The following CUL2 variants were observed in gnomAD, a reference collection of about 807,000 sequenced individuals.
CUL2 encodes the protein cullin 2.
A neutral mutation model predicts 110.2 loss-of-function variants in CUL2; 22 were observed. The observed-to-expected ratio is 0.20, with a 90% CI of 0.14 to 0.28. CUL2 has a LOEUF of 0.28. Among genes scored for constraint, CUL2 ranks in the 10% least tolerant of loss-of-function variants. The probability of loss-of-function intolerance (pLI) is 1.00; values close to 1 mark genes in which losing one functional copy is unlikely to be tolerated. For synonymous variants in CUL2, 279 were observed against 293.2 expected, an observed-to-expected ratio of 0.95 and a Z score of 0.49; for missense variants, 631 against 905.5, an observed-to-expected ratio of 0.70 and a Z score of 3.89.
intron 6 of CUL2, among the ~76,000 whole-genome samples, chr10:35,047,167 T>C (rs958461066): frequency 7.9e-5 from 12 of 152,156 alleles, no homozygotes; most frequent in African/African-American, 2.9e-4. Flanking sequence ...TAGAAAACAA[T>C]TTTAAATATC....
At chr10:35,044,440 T>C (rs1033238305) in intron 8 of CUL2, 126 bp downstream of exon 8, 50 of 594,614 alleles carry the variant, frequency 8.4e-5, no homozygotes, top group Non-Finnish European at 1.3e-4. Flanking sequence ...AGTTAATGAT[T>C]AAATAGATTA....
chr10:35,074,314 G>A, intron 1 of CUL2: 2 of 836,262 alleles, frequency 2.4e-6, no homozygotes, highest in Non-Finnish European at 3.9e-6. Context: ...TCTCCTCCTG[G>A]TACTCCCTAC....
At position 35,009,926 on chromosome 10, in the gene CUL2, ATTATTAGG is replaced by A. The variant is rs2084857337; in HGVS notation, c.*377_*384del. On this transcript the variant is annotated 3_prime_UTR_variant, in exon 21 of 21. Coordinates refer to ENST00000374749, the MANE Select transcript of CUL2 (RefSeq NM_003591.4). ...TGTTTGTCATTTTAATGTAGATACA[ATTATTAGG>A]TTATCTGTCATATTACAATATTTAA... 6.6e-6 allele frequency: 1 copy of A among 152,314 alleles called. No homozygotes were observed. 9.4% of individuals were successfully genotyped at this position (152,314 alleles called of 1,614,324 possible).
rs1300973396 is a variant in CUL2 at position 35,010,321 on chromosome 10, T to A, written c.2228A>T (p.Tyr743Phe). Residue 743 changes from tyrosine to phenylalanine, a missense_variant, in exon 21 of 21, where the codon TAC (tyrosine) becomes TTC (phenylalanine). Coordinates refer to ENST00000374749, the MANE Select transcript of CUL2 (RefSeq NM_003591.4). Reference protein sequence around the residue: ...RSQASADEYSYVA With the variant: ...RSQASADEYSFVA ...TGGAGGAGAGCGACATCACGCGACG[T>A]AGCTGTATTCATCTGCCGACGCCTG... 1.9e-6 allele frequency: 3 copies of A among 1,610,242 alleles called. No individual in the cohort carries two copies. The highest frequency in any genetic ancestry group is 2.5e-6 in the Non-Finnish European group (3 of 1,178,190).
At chr10:35,078,614 A>G (rs185630277) in intron 1 of CUL2, among the ~76,000 whole-genome samples, 28 of 152,256 alleles carry the variant, frequency 1.8e-4, no homozygotes, top group Non-Finnish European at 3.7e-4. Context: ...CATTTTTCAT[A>G]TAAAGAGATT....
intron 1 of CUL2, among the ~76,000 whole-genome samples, chr10:35,087,293 T>C (rs1046446769): frequency 6.6e-6 from 1 of 152,230 alleles, no homozygotes; most frequent in Non-Finnish European, 1.5e-5. Context: ...TTTTGAGCCA[T>C]GTGAATACAG....
In CUL2 at chr10:35,033,756, C is replaced by CA. The variant is rs66943310; in HGVS notation, c.1003-484dup. On this transcript the variant is annotated intron_variant, in intron 10 of 20. Transcript: ENST00000374749. The stretch of plus-strand genomic sequence containing the variant: ...CGTCTCAGAAAAACAACAACAACAA[C>CA]AAAAAAAAAAAAAAAGGAAGAAAGA... Among the ~76,000 whole-genome samples the CA allele has an allele frequency of 3.7e-5, 5 of 134,622 alleles. No homozygotes were observed. In the South Asian group the frequency reaches 7.2e-4, roughly 19 times the overall value. The allele number at this position is 134,622 out of a possible 152,430, so 88.3% of individuals were successfully genotyped here. A position where few individuals can be genotyped will look rare whatever the true frequency, so the allele number is the denominator to read the frequency against.
chr10:35,126,166 C>T (rs936634519), intron 1 of CUL2, among the ~76,000 whole-genome samples: 2 of 152,150 alleles, frequency 1.3e-5, no homozygotes, highest in South Asian at 2.1e-4. Flanking sequence ...ACTGTGTTCC[C>T]TAGGCTGGTC....
chr10:35,121,083 G>A (rs939378746), intron 1 of CUL2, among the ~76,000 whole-genome samples: 3 of 152,150 alleles, frequency 2.0e-5, no homozygotes, highest in Admixed American at 2.0e-4. Context: ...TGACCATGTT[G>A]GGAGCTACTT....
rs761431246 is a variant in CUL2 at position 35,044,811 on chromosome 10, A to G, written c.564T>C (p.Phe188=). The change falls in exon 7 of 21, where the codon TTT becomes TTC. Residue 188 remains phenylalanine, a synonymous_variant. Transcript: ENST00000374749. ...TTTTCTTATACTGTTCAACATGAAC[A>G]AAGGAGTTAATAACCCCATGGATTA... ...QKVIHGVINS[F]VHVEQYKKKF... 6.2e-7 allele frequency: 1 copy of G among 1,613,514 alleles called. No homozygotes were observed. Among genetic ancestry groups the G allele is most frequent in the Non-Finnish European group, 8.5e-7 (1 of 1,179,716 alleles).
chr10:35,124,083 C>T (rs905026196), intron 1 of CUL2, among the ~76,000 whole-genome samples: 3 of 152,002 alleles, frequency 2.0e-5, no homozygotes, highest in African/African-American at 7.3e-5. Flanking sequence ...TTTGGGAAGC[C>T]GAGGTGGGAG....
chr10:35,047,957 C>T (rs1163872392), intron 6 of CUL2, among the ~76,000 whole-genome samples: 10 of 151,698 alleles, frequency 6.6e-5, no homozygotes, highest in Non-Finnish European at 1.5e-5. Context: ...GTTAGATTAG[C>T]CCAGATGTGA....
chr10:35,066,742 T>C (rs912320517), intron 2 of CUL2, among the ~76,000 whole-genome samples: 60 of 152,222 alleles, frequency 3.9e-4, no homozygotes, highest in African/African-American at 1.2e-3. Flanking sequence ...AAATATCAAT[T>C]AGCCTGATAT....
intron 1 of CUL2, chr10:35,079,608 G>C (rs562536030): frequency 9.0e-4 from 138 of 153,210 alleles, no homozygotes; most frequent in South Asian, 1.6e-3. Context: ...AGCAAAACTA[G>C]TAAGAATTTC....
At chr10:35,072,576 GC>G (rs1397009702) in intron 1 of CUL2, among the ~76,000 whole-genome samples, 47 of 152,206 alleles carry the variant, frequency 3.1e-4, no homozygotes, top group African/African-American at 1.1e-3. Flanking sequence ...CACCATGTTA[GC>G]CAGGATGGCC....
At chr10:35,092,293 T>C (rs1272538779), upstream of CUL2, among the ~76,000 whole-genome samples, 1 of 152,152 alleles carries the variant, frequency 6.6e-6, no homozygotes, top group Non-Finnish European at 1.5e-5. Context: ...TTTGTACTGA[T>C]GGTGCAAAGG....
intron 1 of CUL2, among the ~76,000 whole-genome samples, chr10:35,080,140 T>C (rs1433925835): frequency 1.3e-5 from 2 of 152,216 alleles, no homozygotes; most frequent in Admixed American, 1.3e-4. Flanking sequence ...TGGAATACCA[T>C]ATTAACTTGG....
chr10:35,057,955 A>G (rs2086284480), intron 4 of CUL2, among the ~76,000 whole-genome samples: 1 of 151,790 alleles, frequency 6.6e-6, no homozygotes, highest in South Asian at 2.1e-4. Flanking sequence ...AAAATTAGCC[A>G]GGTGTGGTGG....
chr10:35,086,124 G>A lies in CUL2; in HGVS notation c.-23+4055C>T, dbSNP rs117153131. Among the ~76,000 whole-genome samples the A allele has an allele frequency of 6.7e-4, 102 of 152,026 alleles. 2 individuals are homozygous for A. The highest frequency in any genetic ancestry group is 5.2e-3 in the East Asian group (27 of 5,174). On this transcript the variant is annotated intron_variant, in intron 1 of 20. Transcript: ENST00000374749. ...TGGAGGGCGCCTGTAGTCCCAGCTCGGGAAGTGGAGGCTGCAGTGGGCTGA... is the reference window on the plus strand; with the variant it reads ...TGGAGGGCGCCTGTAGTCCCAGCTCAGGAAGTGGAGGCTGCAGTGGGCTGA...
Sources: gnomAD v4.1 joint callset for allele counts (sites outside exome capture counted in the v4.1 genomes callset) on GRCh38, gnomAD v4.1.1 for gene constraint, MANE v1.5 for transcripts, NCBI Gene and HGNC (gene_info 2026-07-23, HGNC 2026-07-21) for gene names.